Variants in SATL1 observed in about 807,000 individuals in gnomAD.
The protein encoded by SATL1 is spermidine/spermine N1-acetyl transferase like 1, also known as spermidine/spermine N(1)-acetyltransferase-like protein 1.
In SATL1, 47 loss-of-function variants were observed where a neutral mutation model predicts 51.8. The observed-to-expected ratio is 0.91, with a 90% CI of 0.72 to 1.16. SATL1 has a LOEUF of 1.16. SATL1 is among the 50% of genes most tolerant of loss of function. The probability of loss-of-function intolerance (pLI) is 0.00; values close to 1 mark genes in which losing one functional copy is unlikely to be tolerated. For missense variants in SATL1, 520 were observed against 526.4 expected, an observed-to-expected ratio of 0.99 and a Z score of 0.12; for synonymous variants, 176 against 182.4, an observed-to-expected ratio of 0.97 and a Z score of 0.28.
At chrX:85,148,332 C>T (rs1926317966) in intron 2 of SATL1, among the ~76,000 whole-genome samples, 1 of 109,599 alleles carries the variant, frequency 9.1e-6, no homozygotes, top group Non-Finnish European at 1.9e-5. Flanking sequence ...ACCAAATCTA[C>T]GTCTGAGTGG....
intron 2 of SATL1, among the ~76,000 whole-genome samples, chrX:85,203,077 C>A (rs1440192909): frequency 9.0e-6 from 1 of 111,088 alleles, no homozygotes; most frequent in African/African-American, 3.3e-5. Flanking sequence ...AGGGCTGCTG[C>A]GGTATGCTTG....
chrX:85,229,103 A>G (rs1270270582), intron 1 of SATL1, among the ~76,000 whole-genome samples: 3 of 111,637 alleles, frequency 2.7e-5, no homozygotes, highest in East Asian at 5.6e-4. Context: ...GTGAAATGCT[A>G]AATAGAATTT....
At chrX:85,237,023 A>C in intron 1 of SATL1, among the ~76,000 whole-genome samples, 1 of 111,630 alleles carries the variant, frequency 9.0e-6, no homozygotes, top group Non-Finnish European at 1.9e-5. Context: ...TCTGAAAAAG[A>C]AATTTTTTAA....
chrX:85,132,527 GTT>G (rs1376927076), intron 2 of SATL1, among the ~76,000 whole-genome samples: 3 of 111,556 alleles, frequency 2.7e-5, no homozygotes, highest in Non-Finnish European at 5.6e-5. Context: ...TTTCTACACT[GTT>G]TATTCTAGTT....
intron 4 of SATL1, among the ~76,000 whole-genome samples, chrX:85,101,120 T>C (rs1436814890): frequency 1.8e-5 from 2 of 112,249 alleles, no homozygotes; most frequent in Non-Finnish European, 3.8e-5. Context: ...TGGGAAATCT[T>C]CAAGACATTG....
At chrX:85,190,705 G>A (rs1190028685) in intron 2 of SATL1, among the ~76,000 whole-genome samples, 1 of 111,047 alleles carries the variant, frequency 9.0e-6, no homozygotes, top group Non-Finnish European at 1.9e-5. Context: ...TTCTTATAAG[G>A]TAAACAAAAA....
intron 5 of SATL1, among the ~76,000 whole-genome samples, chrX:85,094,621 C>T (rs1171518404): frequency 9.0e-6 from 1 of 111,292 alleles, no homozygotes; most frequent in Non-Finnish European, 1.9e-5. Flanking sequence ...TGGCACATGT[C>T]TGTAGTCCCA....
chrX:85,116,801 A>G (rs1950055804), intron 2 of SATL1, among the ~76,000 whole-genome samples: 1 of 110,788 alleles, frequency 9.0e-6, no homozygotes, highest in African/African-American at 3.3e-5. Context: ...CTCTAAAACA[A>G]TAATTGGTCA....
At chrX:85,212,364 T>C (rs1376220566) in intron 2 of SATL1, among the ~76,000 whole-genome samples, 1 of 111,761 alleles carries the variant, frequency 8.9e-6, no homozygotes, top group Non-Finnish European at 1.9e-5. Context: ...ATTTTAAAAA[T>C]TGTACTTCAT....
intron 2 of SATL1, among the ~76,000 whole-genome samples, chrX:85,201,074 T>C (rs1369393347): frequency 9.0e-6 from 1 of 110,947 alleles, no homozygotes; most frequent in African/African-American, 3.3e-5. Flanking sequence ...TATTTAATGG[T>C]GTTAAATAGA....
intron 1 of SATL1, among the ~76,000 whole-genome samples, chrX:85,231,916 A>G (rs906084469): frequency 1.1e-4 from 12 of 109,944 alleles, no homozygotes; most frequent in African/African-American, 2.7e-4. Flanking sequence ...GAGTTAGTGG[A>G]CTTGGGGGAC....
chrX:85,215,537 A>G (rs181203124), intron 2 of SATL1, among the ~76,000 whole-genome samples: 128 of 111,939 alleles, frequency 1.1e-3, no homozygotes, highest in African/African-American at 4.0e-3. Flanking sequence ...ATAATATTGT[A>G]AGTTGTTAAA....
intron 2 of SATL1, among the ~76,000 whole-genome samples, chrX:85,155,804 T>G (rs1261707414): frequency 9.0e-6 from 1 of 111,541 alleles, no homozygotes; most frequent in Non-Finnish European, 1.9e-5. Flanking sequence ...TTCTTAAAAT[T>G]TCTTAGAGTT....
chrX:85,123,295 C>T lies in SATL1; in HGVS notation c.-312-14015G>A, dbSNP rs926571207. On this transcript the variant is annotated intron_variant, in intron 2 of 7. Coordinates refer to ENST00000644105, the MANE Select transcript of SATL1 (RefSeq NM_001367857.2). ...ACATTCCCACCAGGAATGTGTGTTT[C>T]CTTTCCCCCACAACCTCACCAGTGT... Among the ~76,000 whole-genome samples the T allele has an allele frequency of 2.7e-5, 3 of 111,286 alleles. No individual in the cohort carries two copies. In the Admixed American group the frequency reaches 2.9e-4, roughly 11 times the overall value.
intron 5 of SATL1, among the ~76,000 whole-genome samples, 171 bp downstream of exon 5, chrX:85,094,742 TTAA>T (rs746075170): frequency 6.5e-4 from 72 of 111,477 alleles, no homozygotes; most frequent in African/African-American, 2.3e-3. Context: ...ACCCTGTCTC[TTAA>T]TAATAATGTT....
At chrX:85,120,653 C>A (rs1334892812) in intron 2 of SATL1, among the ~76,000 whole-genome samples, 1 of 111,827 alleles carries the variant, frequency 8.9e-6, no homozygotes, top group African/African-American at 3.2e-5. Context: ...TATGTAATAT[C>A]TTGAAACATT....
rs759271865 is a variant in SATL1, at chrX:85,198,786, A to G, written c.-313+25419T>C. Among the ~76,000 whole-genome samples the G allele has an allele frequency of 3.6e-5, 4 of 110,765 alleles. No homozygotes were observed. The South Asian group carries it at 1.6e-3, about 43-fold the overall frequency. The stretch of plus-strand genomic sequence containing the variant: ...TCTTTTAGTTATTTTAAAAAGTACA[A>G]TTAAATTATTACTGACTATAATCAC... On this transcript the variant is annotated intron_variant, in intron 2 of 7. Coordinates refer to ENST00000644105, the MANE Select transcript of SATL1 (RefSeq NM_001367857.2).
chrX:85,107,425 C>T lies in SATL1; in HGVS notation c.1544G>A (p.Ser515Asn). The T allele has an allele frequency of 8.2e-7, 1 of 1,212,399 alleles. No individual in the cohort carries two copies. Among genetic ancestry groups the T allele is most frequent in the Non-Finnish European group, 1.1e-6 (1 of 895,507 alleles). The stretch of plus-strand genomic sequence containing the variant: ...TTGCCTCATGCCCATTTGGCTCACA[C>T]TTGGTTGGCTCCTGCCTGGTTGACT... ...GLSQPGRSQPSVSQMGMRQTS... is the reference protein window; with the variant it reads ...GLSQPGRSQPNVSQMGMRQTS... The change falls in exon 3 of 8, where the codon AGT becomes AAT. Residue 515 changes from serine to asparagine, a missense_variant. Ser to Asn is a conservative substitution (Grantham distance 46). This residue lies in a region of SATL1 where 488 missense variants were observed against 474.3 expected (regional missense o/e 1.03). Coordinates refer to ENST00000644105, the MANE Select transcript of SATL1 (RefSeq NM_001367857.2).
At position 85,095,073 on chromosome X, in the gene SATL1, G is replaced by A. The variant is rs981200877; in HGVS notation, c.1694-77C>T. The A allele has an allele frequency of 4.7e-5, 26 of 558,793 alleles. No individual in the cohort carries two copies. The African/African-American group carries it at 5.4e-4, about 12-fold the overall frequency. The allele number at this position is 558,793 out of a possible 1,213,427, so 46.1% of individuals were successfully genotyped here. On this transcript the variant is annotated intron_variant, in intron 4 of 7. Coordinates refer to ENST00000644105, the MANE Select transcript of SATL1 (RefSeq NM_001367857.2). ...GGAGATGGTGGATAGGAAGCACTAG[G>A]AATTTCTCTCTCCACCTGGATAGCA...
Sources: allele counts gnomAD v4.1 joint callset (sites outside exome capture counted in the v4.1 genomes callset), GRCh38; gene constraint gnomAD v4.1.1; regional missense constraint gnomAD v4.1.1; transcripts MANE v1.5; gene names NCBI Gene and HGNC (gene_info 2026-07-23, HGNC 2026-07-21).